Variants in ZNF804A observed in about 807,000 individuals in gnomAD.
The protein encoded by ZNF804A is zinc finger protein 804A.
In ZNF804A, 2 loss-of-function variants were observed where a neutral mutation model predicts 16.5. The observed-to-expected ratio is 0.12, with a 90% CI of 0.05 to 0.38. ZNF804A has a LOEUF of 0.38. ZNF804A is among the 10% of genes least tolerant of loss of function. The pLI, the probability that ZNF804A is intolerant of heterozygous loss-of-function variation, is 0.99. For synonymous variants in ZNF804A, 534 were observed against 489.6 expected, an observed-to-expected ratio of 1.09 and a Z score of -1.20; for missense variants, 1,473 against 1,390.7, an observed-to-expected ratio of 1.06 and a Z score of -0.94.
intron 1 of ZNF804A, among the ~76,000 whole-genome samples, chr2:184,859,697 A>G (rs1253922748): frequency 6.6e-6 from 1 of 152,170 alleles, no homozygotes; most frequent in Non-Finnish European, 1.5e-5. Flanking sequence ...GTTGATGTGT[A>G]TGCATTAGAA....
chr2:184,801,572 T>A (rs887814521), intron 1 of ZNF804A, among the ~76,000 whole-genome samples: 1 of 152,194 alleles, frequency 6.6e-6, no homozygotes, highest in Admixed American at 6.6e-5. Context: ...ATATTTCTGA[T>A]CTATTGATGA....
chr2:184,628,044 G>A (rs1328105442), intron 1 of ZNF804A, among the ~76,000 whole-genome samples: 1 of 152,218 alleles, frequency 6.6e-6, no homozygotes, highest in Non-Finnish European at 1.5e-5. Flanking sequence ...GCCGGGCTCA[G>A]TGGCTCACCA....
At chr2:184,856,141 A>G (rs1230616474) in intron 1 of ZNF804A, among the ~76,000 whole-genome samples, 1 of 152,070 alleles carries the variant, frequency 6.6e-6, no homozygotes, top group African/African-American at 2.4e-5. Context: ...TTTTTCAAGG[A>G]CTAGAGCAGC....
intron 2 of ZNF804A, among the ~76,000 whole-genome samples, chr2:184,869,952 C>T (rs1695948009): frequency 6.6e-6 from 1 of 151,952 alleles, no homozygotes; most frequent in South Asian, 2.1e-4. Context: ...AGAAGAAATA[C>T]AGGGGTACAG....
chr2:184,899,407 T>C (rs983024000), intron 2 of ZNF804A, among the ~76,000 whole-genome samples: 2 of 152,066 alleles, frequency 1.3e-5, no homozygotes, highest in African/African-American at 2.4e-5. Context: ...TTTTACTTGC[T>C]AACTGATGAA....
intron 1 of ZNF804A, among the ~76,000 whole-genome samples, chr2:184,732,060 G>A (rs938050514): frequency 1.3e-5 from 2 of 152,044 alleles, no homozygotes; most frequent in African/African-American, 4.8e-5. Flanking sequence ...ATTTGGGAGA[G>A]GTCTAGCTTA....
chr2:184,616,805 T>G (rs1193034399), intron 1 of ZNF804A, among the ~76,000 whole-genome samples: 1 of 152,198 alleles, frequency 6.6e-6, no homozygotes, highest in Non-Finnish European at 1.5e-5. Flanking sequence ...ATCATGGACC[T>G]CTTTTCATAG....
At chr2:184,605,010 T>A (rs1691120062) in intron 1 of ZNF804A, among the ~76,000 whole-genome samples, 1 of 152,198 alleles carries the variant, frequency 6.6e-6, no homozygotes, top group Non-Finnish European at 1.5e-5. Flanking sequence ...TAATTTAGAA[T>A]GTAATTTTAT....
At chr2:184,811,253 G>GTAGTGCATACCGATGGCATGCTCTT (rs1694894788) in intron 1 of ZNF804A, among the ~76,000 whole-genome samples, 1 of 152,194 alleles carries the variant, frequency 6.6e-6, no homozygotes, top group Non-Finnish European at 1.5e-5. Context: ...AACACCAGCT[G>GTAGTGCATACCGATGGCATGCTCTT]TAGTGCATAC....
chr2:184,717,083 G>A (rs548633723), intron 1 of ZNF804A, among the ~76,000 whole-genome samples: 1 of 152,146 alleles, frequency 6.6e-6, no homozygotes, highest in Non-Finnish European at 1.5e-5. Flanking sequence ...CAGATGTAAA[G>A]ACAAACGAAT....
chr2:184,734,628 G>C lies in ZNF804A; in HGVS notation c.112-131741G>C, dbSNP rs75212674. On this transcript the variant is annotated intron_variant, in intron 1 of 3. Transcript: ENST00000302277. ...TGAATGTTCCATGTGAACTAGAAAA[G>C]AATTAGTATTCTGCTATTGTTTGAT... Among the ~76,000 whole-genome samples the C allele has an allele frequency of 6.1e-3, 922 of 152,242 alleles. 13 individuals are homozygous for C. Among genetic ancestry groups the C allele is most frequent in the African/African-American group, 0.021 (876 of 41,544 alleles).
At chr2:184,774,797 T>A (rs1267382124) in intron 1 of ZNF804A, among the ~76,000 whole-genome samples, 1 of 151,760 alleles carries the variant, frequency 6.6e-6, no homozygotes, top group Non-Finnish European at 1.5e-5. Flanking sequence ...TATGAAGATG[T>A]GAGAATGAAA....
rs1357450329 is a variant in ZNF804A at position 184,936,274 on chromosome 2, C to T, written c.878C>T (p.Thr293Ile). 2 of 1,613,952 alleles carry T rather than the reference C, an allele frequency of 1.2e-6. No individual in the cohort carries two copies. Among genetic ancestry groups the T allele is most frequent in the Non-Finnish European group, 1.7e-6 (2 of 1,179,946 alleles). ...TGCAGAGACAAAGAAACTGTTCAAA[C>T]TCAAGAGATAAAAGAAGTCTCTAGT... ...AMCRDKETVQTQEIKEVSSEK... is the reference protein window; with the variant it reads ...AMCRDKETVQIQEIKEVSSEK... Residue 293 changes from threonine (T) to isoleucine (I), a missense_variant, in exon 4 of 4, where the codon ACT becomes ATT. Transcript: ENST00000302277.
At position 184,892,097 on chromosome 2, in the gene ZNF804A, CTCT is replaced by C. The variant is rs142748427; in HGVS notation, c.255+25588_255+25590del. Among the ~76,000 whole-genome samples, 68 of 152,252 alleles carry C rather than the reference CTCT, an allele frequency of 4.5e-4. 2 individuals are homozygous for C. In the East Asian group the frequency reaches 0.013, roughly 28 times the overall value. Reference sequence around the variant, plus strand: ...TTTTCTGCAGGAACTTGCCTTACTTCTCTTCATCAATGTTTATTTTATAATTAT... The same window carrying C: ...TTTTCTGCAGGAACTTGCCTTACTTCTCATCAATGTTTATTTTATAATTAT... On this transcript the variant is annotated intron_variant, in intron 2 of 3. Transcript: ENST00000302277.
At chr2:184,825,689 CA>C (rs941369440) in intron 1 of ZNF804A, among the ~76,000 whole-genome samples, 10 of 151,910 alleles carry the variant, frequency 6.6e-5, no homozygotes, top group African/African-American at 2.4e-4. Context: ...AGGGAATGTT[CA>C]AACATACAAA....
At chr2:184,897,664 T>C (rs1685109735) in intron 2 of ZNF804A, among the ~76,000 whole-genome samples, 1 of 152,162 alleles carries the variant, frequency 6.6e-6, no homozygotes, top group Non-Finnish European at 1.5e-5. Flanking sequence ...TATATTAGCA[T>C]AGACATTCAT....
In ZNF804A at chr2:184,708,758, G is replaced by A. The variant is rs574304945; in HGVS notation, c.111+109688G>A. ...TCTATAAATATATACACTATGTAAA[G>A]TAATCTCTGTCCATTGAATAAAATG... On this transcript the variant is annotated intron_variant, in intron 1 of 3. Transcript: ENST00000302277. Among the ~76,000 whole-genome samples, 7 of 152,144 alleles carry A rather than the reference G, an allele frequency of 4.6e-5. No homozygotes were observed. In the South Asian group the frequency reaches 1.5e-3, roughly 32 times the overall value.
chr2:184,651,622 G>A (rs1329981746), intron 1 of ZNF804A, among the ~76,000 whole-genome samples: 1 of 151,932 alleles, frequency 6.6e-6, no homozygotes, highest in African/African-American at 2.4e-5. Flanking sequence ...TTATTTAAAA[G>A]TAGGCAAAAA....
intron 1 of ZNF804A, among the ~76,000 whole-genome samples, chr2:184,694,298 A>G (rs1692784870): frequency 6.6e-6 from 1 of 152,102 alleles, no homozygotes; most frequent in Admixed American, 6.5e-5. Flanking sequence ...TAAATTGCAA[A>G]TGATATAAAA....
Sources: gnomAD v4.1 joint callset for allele counts (sites outside exome capture counted in the v4.1 genomes callset) on GRCh38, gnomAD v4.1.1 for gene constraint, MANE v1.5 for transcripts, NCBI Gene and HGNC (gene_info 2026-07-23, HGNC 2026-07-21) for gene names.